The following DENND2C variants were observed in gnomAD, a reference collection of about 807,000 sequenced individuals.
DENND2C encodes the protein DENN domain containing 2C.
DENND2C carries 72 observed loss-of-function variants against 112.4 expected under a neutral mutation model. The observed-to-expected ratio is 0.64, with a 90% CI of 0.53 to 0.78. The LOEUF is 0.78. Ranked by LOEUF, DENND2C falls within the 30% of genes least tolerant of loss-of-function variation. DENND2C has a pLI of 0.00. For missense variants in DENND2C, 992 were observed against 1,113.8 expected, an observed-to-expected ratio of 0.89 and a Z score of 1.56; for synonymous variants, 329 against 381.6, an observed-to-expected ratio of 0.86 and a Z score of 1.61.
chr1:114,616,379 G>A (rs1263913150), intron 8 of DENND2C, among the ~76,000 whole-genome samples: 1 of 151,204 alleles, frequency 6.6e-6, no homozygotes, highest in Non-Finnish European at 1.5e-5. Context: ...GTGACAGAGT[G>A]AGACTCTGTA....
chr1:114,669,462 C>CA (rs1657730438), intron 1 of DENND2C, among the ~76,000 whole-genome samples: 1 of 152,206 alleles, frequency 6.6e-6, no homozygotes, highest in Non-Finnish European at 1.5e-5. Context: ...GTTCCACTGT[C>CA]AGACTTTTAA....
At chr1:114,661,219 C>T (rs1238828693) in intron 1 of DENND2C, among the ~76,000 whole-genome samples, 1 of 152,096 alleles carries the variant, frequency 6.6e-6, no homozygotes, top group Non-Finnish European at 1.5e-5. Context: ...GCAAAATCTG[C>T]ACCAGACTCT....
At chr1:114,647,172 AG>A (rs1193528255) in intron 2 of DENND2C, among the ~76,000 whole-genome samples, 2,193 of 150,040 alleles carry the variant, frequency 0.015, 43 homozygotes, top group African/African-American at 0.044. Context: ...AAAAAAAAAA[AG>A]AGAGAGAGAG....
chr1:114,664,851 G>C (rs1657602694), intron 1 of DENND2C, among the ~76,000 whole-genome samples: 1 of 151,316 alleles, frequency 6.6e-6, no homozygotes, highest in Non-Finnish European at 1.5e-5. Context: ...CCAGCACTTT[G>C]GGAGGCCAAG....
intron 2 of DENND2C, among the ~76,000 whole-genome samples, chr1:114,649,167 C>T (rs1049322712): frequency 8.5e-5 from 13 of 152,074 alleles, no homozygotes; most frequent in African/African-American, 2.9e-4. Flanking sequence ...GTTGACCAGG[C>T]TGATCTCAAA....
intron 18 of DENND2C, among the ~76,000 whole-genome samples, chr1:114,588,876 T>G (rs1409027704): frequency 6.6e-6 from 1 of 152,204 alleles, no homozygotes; most frequent in Non-Finnish European, 1.5e-5. Context: ...ATTACAGATG[T>G]GAGCCACCAT....
chr1:114,641,254 C>G (rs1656828737), intron 3 of DENND2C, among the ~76,000 whole-genome samples: 1 of 99,644 alleles, frequency 1.0e-5, no homozygotes, highest in South Asian at 3.7e-4. Context: ...TAGCGAGATC[C>G]TTTCTCAAAA....
At chr1:114,661,372 T>C (rs1657487636) in intron 1 of DENND2C, among the ~76,000 whole-genome samples, 1 of 152,192 alleles carries the variant, frequency 6.6e-6, no homozygotes, top group African/African-American at 2.4e-5. Context: ...AGATGAATAC[T>C]TTTTTCAAGA....
chr1:114,655,203 T>C (rs550213054), intron 1 of DENND2C, among the ~76,000 whole-genome samples: 2 of 152,318 alleles, frequency 1.3e-5, no homozygotes, highest in African/African-American at 4.8e-5. Context: ...AATCAAATGG[T>C]TAAATGGCAG....
At chr1:114,622,214 A>C in intron 6 of DENND2C, 149 bp from the exon 7 acceptor site, 1 of 790,356 alleles carries the variant, frequency 1.3e-6, no homozygotes, top group Non-Finnish European at 1.9e-6. Context: ...CCTGAGCTCA[A>C]GTGATCCCCC....
intron 3 of DENND2C, among the ~76,000 whole-genome samples, chr1:114,640,308 T>C (rs948291537): frequency 6.6e-6 from 1 of 152,200 alleles, no homozygotes; most frequent in African/African-American, 2.4e-5. Context: ...TGAAAATCAG[T>C]TCATGAAAGT....
Position 114,655,104 on chromosome 1 carries a change from T to C in DENND2C, c.-573-343A>G, listed in dbSNP as rs568534493. Among the ~76,000 whole-genome samples, 45 of 152,278 alleles carry C rather than the reference T, an allele frequency of 3.0e-4. No individual in the cohort carries two copies. The South Asian group carries it at 8.9e-3, about 30-fold the overall frequency. On this transcript the variant is annotated intron_variant, in intron 1 of 20. Coordinates refer to ENST00000393274, the MANE Select transcript of DENND2C (RefSeq NM_001256404.2). ...CAGGTAAACTACTGAGTTCTATTAC[T>C]TAGAAGAATGGATATTAGATTAGGC...
At chr1:114,653,575 G>A (rs1657227714) in intron 2 of DENND2C, among the ~76,000 whole-genome samples, 1 of 152,116 alleles carries the variant, frequency 6.6e-6, no homozygotes, top group Non-Finnish European at 1.5e-5. Context: ...ACCAGTGAGA[G>A]AACTTGGGGT....
intron 1 of DENND2C, among the ~76,000 whole-genome samples, chr1:114,666,535 A>G (rs1287595140): frequency 2.6e-5 from 4 of 152,104 alleles, no homozygotes; most frequent in Non-Finnish European, 5.9e-5. Context: ...AGCTCACCGC[A>G]ACCTCTGACT....
At chr1:114,655,900 A>ATATATATATATT (rs1553238226) in intron 1 of DENND2C, among the ~76,000 whole-genome samples, 1 of 143,718 alleles carries the variant, frequency 7.0e-6, no homozygotes, top group East Asian at 2.1e-4. Context: ...ATATATATAT[A>ATATATATATATT]ATATGTATGT....
rs554028204 is a variant in DENND2C at position 114,633,372 on chromosome 1, C to T, written c.-204-7184G>A. Among the ~76,000 whole-genome samples, 83 of 136,860 alleles carry T rather than the reference C, an allele frequency of 6.1e-4. 2 individuals are homozygous for T. The South Asian group carries it at 0.018, about 29-fold the overall frequency. The allele number at this position is 136,860 out of a possible 152,430, so 89.8% of individuals were successfully genotyped here. A position where few individuals can be genotyped will look rare whatever the true frequency, so the allele number is the denominator to read the frequency against. ...AAGCATTAGAATCGCTTGAAGCAAGCGAGGTTGCAGTAAGCCAAGATCGCA... is the reference window on the plus strand; with the variant it reads ...AAGCATTAGAATCGCTTGAAGCAAGTGAGGTTGCAGTAAGCCAAGATCGCA... On this transcript the variant is annotated intron_variant, in intron 3 of 20. Transcript: ENST00000393274.
At chr1:114,640,580 G>A (rs1158417097) in intron 3 of DENND2C, among the ~76,000 whole-genome samples, 2 of 152,200 alleles carry the variant, frequency 1.3e-5, no homozygotes, top group Admixed American at 6.5e-5. Context: ...TCAGAAACTT[G>A]TGGAAAGCGT....
Position 114,587,726 on chromosome 1 carries a change from A to G in DENND2C, c.2658T>C (p.Ser886=), listed in dbSNP as rs780612754. 22 of 1,607,650 alleles carry G rather than the reference A, an allele frequency of 1.4e-5. No individual in the cohort carries two copies. The highest frequency in any genetic ancestry group is 1.9e-5 in the Non-Finnish European group (22 of 1,176,192). The stretch of plus-strand genomic sequence containing the variant: ...TATAATGAAACTGACCTTTAACTCC[A>G]CTTTTCCGAAGCTCTCGGTCCTGGA... ...GFIQDRELRK[S]GVKGLFEIRA... is the part of the protein sequence containing the mutation. The change falls in exon 19 of 21, where the codon AGT becomes AGC. Residue 886 remains serine, a synonymous_variant. Coordinates refer to ENST00000393274, the MANE Select transcript of DENND2C (RefSeq NM_001256404.2).
intron 1 of DENND2C, among the ~76,000 whole-genome samples, chr1:114,656,137 G>A (rs952180429): frequency 9.2e-5 from 14 of 151,354 alleles, no homozygotes; most frequent in African/African-American, 3.2e-4. Flanking sequence ...GTACAATCAC[G>A]GCTCACTGCC....
Sources: allele counts gnomAD v4.1 joint callset (sites outside exome capture counted in the v4.1 genomes callset), GRCh38; gene constraint gnomAD v4.1.1; transcripts MANE v1.5; gene names NCBI Gene and HGNC (gene_info 2026-07-23, HGNC 2026-07-21).